LRBA: variants seen among roughly 807,000 people sequenced by gnomAD.
LRBA encodes the protein lipopolysaccharide-responsive and beige-like anchor protein.
In LRBA, 176 loss-of-function variants were observed where a neutral mutation model predicts 330.0. That is an observed-to-expected ratio of 0.53 (90% confidence interval 0.47 to 0.60). LRBA has a LOEUF of 0.60. Among genes scored for constraint, LRBA ranks in the 20% least tolerant of loss-of-function variants. The pLI, the probability that LRBA is intolerant of heterozygous loss-of-function variation, is 0.00. For synonymous variants in LRBA, 1,230 were observed against 1,193.0 expected (o/e 1.03, Z -0.64); for missense variants, 3,259 against 3,444.8 (o/e 0.95, Z 1.35).
chr4:150,599,293 T>G (rs1478523700), intron 37 of LRBA, among the ~76,000 whole-genome samples, 162 bp from the exon 38 acceptor site: 5 of 152,192 alleles, frequency 3.3e-5, no homozygotes, highest in Non-Finnish European at 2.9e-5. Flanking sequence ...ATCTTTAACT[T>G]AGGTATGTCC....
intron 2 of LRBA, among the ~76,000 whole-genome samples, chr4:151,005,319 C>T (rs929894589): frequency 6.6e-6 from 1 of 151,066 alleles, no homozygotes; most frequent in Non-Finnish European, 1.5e-5. Flanking sequence ...GTGGCAGGCG[C>T]CTGTAATCCC....
chr4:150,273,511 G>GT, intron 56 of LRBA, among the ~76,000 whole-genome samples: 1 of 152,170 alleles, frequency 6.6e-6, no homozygotes, highest in South Asian at 2.1e-4. Context: ...AAAAGACACA[G>GT]ACTGGCAAAT....
At chr4:150,488,754 A>AT (rs1758193554) in intron 41 of LRBA, among the ~76,000 whole-genome samples, 1 of 82,640 alleles carries the variant, frequency 1.2e-5, no homozygotes, top group East Asian at 3.2e-4. Flanking sequence ...AAATATTTAA[A>AT]GCCAAAAAAA....
At chr4:150,387,659 A>G (rs564317063) in intron 47 of LRBA, among the ~76,000 whole-genome samples, 1 of 152,316 alleles carries the variant, frequency 6.6e-6, no homozygotes, top group Non-Finnish European at 1.5e-5. Context: ...TATATAACAA[A>G]TTCTATAAGA....
intron 44 of LRBA, among the ~76,000 whole-genome samples, chr4:150,455,984 G>T (rs762201356): frequency 1.3e-5 from 2 of 152,060 alleles, no homozygotes; most frequent in Non-Finnish European, 2.9e-5. Flanking sequence ...TATCCATGTT[G>T]TTGCAAATAA....
chr4:150,755,941 G>A (rs184318434), intron 35 of LRBA, among the ~76,000 whole-genome samples: 605 of 151,698 alleles, frequency 4.0e-3, no homozygotes, highest in Non-Finnish European at 4.9e-3. Flanking sequence ...AGATACTTAG[G>A]AGGCTGAGGT....
At chr4:150,650,398 T>A (rs1325601446) in intron 37 of LRBA, among the ~76,000 whole-genome samples, 3 of 152,226 alleles carry the variant, frequency 2.0e-5, no homozygotes, top group African/African-American at 7.2e-5. Flanking sequence ...TATTTTTTCC[T>A]AATATCTCTA....
intron 34 of LRBA, among the ~76,000 whole-genome samples, chr4:150,768,546 A>T (rs1163376695): frequency 6.6e-6 from 1 of 152,240 alleles, no homozygotes; most frequent in Non-Finnish European, 1.5e-5. Flanking sequence ...TACAAACTGG[A>T]CTATGACATT....
At chr4:150,320,758 G>A (rs1045564504) in intron 50 of LRBA, among the ~76,000 whole-genome samples, 3 of 152,144 alleles carry the variant, frequency 2.0e-5, no homozygotes, top group Non-Finnish European at 4.4e-5. Context: ...AGCGAGCTAT[G>A]ATCACACCAC....
intron 44 of LRBA, among the ~76,000 whole-genome samples, chr4:150,457,116 T>C (rs759170966): frequency 6.6e-6 from 1 of 152,146 alleles, no homozygotes; most frequent in African/African-American, 2.4e-5. Flanking sequence ...CTAATTTTTA[T>C]ATTGCTCCCA....
At chr4:151,002,167 A>G (rs1037540223) in intron 2 of LRBA, among the ~76,000 whole-genome samples, 1 of 144,722 alleles carries the variant, frequency 6.9e-6, no homozygotes, top group African/African-American at 2.5e-5. Flanking sequence ...GAAAGATATC[A>G]ATGTAACGAC....
At chr4:150,914,543 CAT>C (rs1732369855) in intron 8 of LRBA, among the ~76,000 whole-genome samples, 1 of 152,070 alleles carries the variant, frequency 6.6e-6, no homozygotes, top group Non-Finnish European at 1.5e-5. Context: ...GTTTGAAACA[CAT>C]GTGTTCTCAA....
chr4:150,392,542 T>G (rs1744134654), intron 47 of LRBA, among the ~76,000 whole-genome samples: 1 of 152,174 alleles, frequency 6.6e-6, no homozygotes, highest in African/African-American at 2.4e-5. Flanking sequence ...TTGGTAGGGC[T>G]TCAACATATA....
Position 150,370,603 on chromosome 4 carries a change from C to T in LRBA, c.7195-20444G>A, listed in dbSNP as rs77377200. ...TAAAACTATTCTGTATGGTACTATA[C>T]ATTTGTCAAAACCTACAGGAAGTCT... is the stretch of plus-strand genomic sequence containing the variant. On this transcript the variant is annotated intron_variant, in intron 47 of 56. Coordinates refer to ENST00000651943, the MANE Select transcript of LRBA (RefSeq NM_001364905.1). Among the ~76,000 whole-genome samples, 1,103 of 152,266 alleles carry T rather than the reference C, an allele frequency of 7.2e-3. 5 individuals are homozygous for T. Among genetic ancestry groups the T allele is most frequent in the Non-Finnish European group, 0.012 (849 of 68,008 alleles).
At chr4:150,644,747 T>A (rs1778975689) in intron 37 of LRBA, among the ~76,000 whole-genome samples, 1 of 151,898 alleles carries the variant, frequency 6.6e-6, no homozygotes, top group African/African-American at 2.4e-5. Context: ...ACTATACGGA[T>A]GATTTTTTCA....
At chr4:150,587,481 G>T (rs1772259314) in intron 40 of LRBA, among the ~76,000 whole-genome samples, 1 of 152,104 alleles carries the variant, frequency 6.6e-6, no homozygotes, top group South Asian at 2.1e-4. Flanking sequence ...AGTTGCCAGG[G>T]TCTGAAAAGT....
intron 40 of LRBA, among the ~76,000 whole-genome samples, chr4:150,493,584 C>T (rs1381217460): frequency 6.6e-6 from 1 of 152,128 alleles, no homozygotes; most frequent in Admixed American, 6.6e-5. Flanking sequence ...CTAGGGTATC[C>T]AGCAAACCTG....
At chr4:150,611,016 GT>G (rs1775203003) in intron 37 of LRBA, among the ~76,000 whole-genome samples, 2 of 152,088 alleles carry the variant, frequency 1.3e-5, no homozygotes, top group African/African-American at 4.8e-5. Context: ...AGATTATACT[GT>G]ACTTGAAGAC....
At chr4:151,012,228 T>C (rs192531273) in intron 2 of LRBA, among the ~76,000 whole-genome samples, 1 of 152,322 alleles carries the variant, frequency 6.6e-6, no homozygotes, top group Admixed American at 6.5e-5. Context: ...TTAAAATCTA[T>C]ACCAGGTCTA....
Sources: gnomAD v4.1 joint callset for allele counts (sites outside exome capture counted in the v4.1 genomes callset) on GRCh38, gnomAD v4.1.1 for gene constraint, MANE v1.5 for transcripts, NCBI Gene and HGNC (gene_info 2026-07-23, HGNC 2026-07-21) for gene names.